The following ARHGAP25 variants were observed in gnomAD, a reference collection of about 807,000 sequenced individuals.
ARHGAP25 encodes the protein rho GTPase-activating protein 25.
Under a neutral mutation model 71.0 loss-of-function variants are expected in ARHGAP25, and 34 were observed. That is an observed-to-expected ratio of 0.48 (90% CI 0.36 to 0.64). ARHGAP25 has a LOEUF of 0.64. Among genes scored for constraint, ARHGAP25 ranks in the 30% least tolerant of loss-of-function variants. The probability of loss-of-function intolerance (pLI) is 0.00; values close to 1 mark genes in which losing one functional copy is unlikely to be tolerated. For missense variants in ARHGAP25, 706 were observed against 805.1 expected, an observed-to-expected ratio of 0.88 and a Z score of 1.49; for synonymous variants, 282 against 296.5, an observed-to-expected ratio of 0.95 and a Z score of 0.50.
At chr2:68,818,561 C>G (rs1252269066) in intron 8 of ARHGAP25, among the ~76,000 whole-genome samples, 7 of 152,230 alleles carry the variant, frequency 4.6e-5, no homozygotes, top group African/African-American at 1.7e-4. Flanking sequence ...CTCCTGACCT[C>G]AAGTGATCTT....
chr2:68,772,085 C>T (rs763807518), intron 1 of ARHGAP25, among the ~76,000 whole-genome samples: 2 of 152,226 alleles, frequency 1.3e-5, no homozygotes, highest in African/African-American at 2.4e-5. Context: ...TTTGCCACAA[C>T]AAAGCATGAA....
chr2:68,725,428 AT>A (rs1674860125), intron 2 of ARHGAP25, among the ~76,000 whole-genome samples: 1 of 152,100 alleles, frequency 6.6e-6, no homozygotes, highest in Non-Finnish European at 1.5e-5. Flanking sequence ...GGGCTCACAC[AT>A]TCCCCCCATC....
At chr2:68,816,178 C>G (rs758906349) in intron 6 of ARHGAP25, 111 bp from the exon 7 acceptor site, 2 of 883,130 alleles carry the variant, frequency 2.3e-6, no homozygotes, top group Admixed American at 1.8e-5. Context: ...GAATGACTGC[C>G]AAAGTGTTGT....
chr2:68,819,498 G>A (rs1280744946), intron 9 of ARHGAP25, 179 bp downstream of exon 9: 1 of 732,488 alleles, frequency 1.4e-6, no homozygotes, highest in East Asian at 2.7e-5. Flanking sequence ...TCCAAATCTA[G>A]TTTCTATTGG....
At chr2:68,732,295 G>A (rs1675042056), upstream of ARHGAP25, among the ~76,000 whole-genome samples, 1 of 152,142 alleles carries the variant, frequency 6.6e-6, no homozygotes, top group Admixed American at 6.5e-5. Flanking sequence ...AGACTGACAG[G>A]AACCTACCCT....
rs951404557 is a variant in ARHGAP25 at position 68,746,956 on chromosome 2, C to T, written c.61+11696C>T. On this transcript the variant is annotated intron_variant, in intron 1 of 10. Transcript: ENST00000409202. ...CCGGGAGGCAGAGGTTGTGGTGAGC[C>T]GAGATTGGGCCACTGTACTCCAGCC... 1.6e-4 allele frequency among the ~76,000 whole-genome samples: 24 copies of T among 148,084 alleles called. No individual in the cohort carries two copies. The Admixed American group carries it at 1.6e-3, about 10-fold the overall frequency.
At position 68,787,925 on chromosome 2, in the gene ARHGAP25, C is replaced by T. The variant is rs765794892; in HGVS notation, c.435C>T (p.Phe145=). ...CGGAGATGGAGGAGTGGGTTAAATT[C>T]CTCAGGAGAGTTGCTGGCACACCCT... The part of the protein sequence containing the change: ...SQAEMEEWVK[F]LRRVAGTPCG... Residue 145 remains phenylalanine (F), a synonymous_variant, in exon 4 of 11, where the codon TTC becomes TTT. Coordinates refer to ENST00000409202, the MANE Select transcript of ARHGAP25 (RefSeq NM_001007231.3). 6.2e-7 allele frequency: 1 copy of T among 1,614,182 alleles called. No homozygotes were observed. The highest frequency in any genetic ancestry group is 1.1e-5 in the South Asian group (1 of 91,084).
At chr2:68,821,865 G>C (rs556819351) in intron 9 of ARHGAP25, among the ~76,000 whole-genome samples, 1 of 141,866 alleles carries the variant, frequency 7.0e-6, no homozygotes, top group East Asian at 2.1e-4. Context: ...ATTAAGGAGA[G>C]TAACCAATTG....
At chr2:68,777,756 CAAT>C (rs1158403384) in intron 2 of ARHGAP25, among the ~76,000 whole-genome samples, 5 of 152,090 alleles carry the variant, frequency 3.3e-5, no homozygotes, top group Non-Finnish European at 7.4e-5. Flanking sequence ...TTTAGGAATA[CAAT>C]AATAATTTCT....
intron 1 of ARHGAP25, chr2:68,757,730 G>A (rs1429668982): frequency 6.6e-6 from 1 of 151,974 alleles, no homozygotes; most frequent in African/African-American, 2.4e-5. Context: ...TCTCAGCAAA[G>A]GTAAATACAT....
intron 2 of ARHGAP25, among the ~76,000 whole-genome samples, chr2:68,727,655 G>A (rs1242879495): frequency 6.6e-6 from 1 of 152,178 alleles, no homozygotes; most frequent in East Asian, 1.9e-4. Context: ...ACTATGTCAA[G>A]TTCAGAAAAC....
At position 68,727,152 on chromosome 2, in the gene ARHGAP25, C is replaced by T. The variant is rs527972414; in HGVS notation, c.-18+16454C>T. Among the ~76,000 whole-genome samples, 603 of 152,244 alleles carry T rather than the reference C, an allele frequency of 4.0e-3. 4 individuals are homozygous for T. The highest frequency in any genetic ancestry group is 7.2e-3 in the Non-Finnish European group (492 of 68,026). On this transcript the variant is annotated intron_variant and NMD_transcript_variant, in intron 2 of 7. Transcript: ENST00000463483. The stretch of plus-strand genomic sequence containing the variant: ...CTATGCACTTAGTATTTGCTAAAAG[C>T]GTGGTTACTGGTTGAGTGCGTCTGC...
chr2:68,713,935 C>A (rs1674549464), intron 2 of ARHGAP25, among the ~76,000 whole-genome samples: 1 of 152,124 alleles, frequency 6.6e-6, no homozygotes, highest in South Asian at 2.1e-4. Context: ...GGGATATTGG[C>A]CTGAAATTTT....
chr2:68,783,594 G>A (rs908034361), intron 3 of ARHGAP25, among the ~76,000 whole-genome samples: 3 of 151,980 alleles, frequency 2.0e-5, no homozygotes, highest in Non-Finnish European at 4.4e-5. Flanking sequence ...CTCCTGAGTA[G>A]CTGGAACTAG....
At chr2:68,730,097 TGTTAAAGG>T (rs2104268291), upstream of ARHGAP25, among the ~76,000 whole-genome samples, 1 of 152,334 alleles carries the variant, frequency 6.6e-6, no homozygotes, top group East Asian at 1.9e-4. Flanking sequence ...GACTTTTTTT[TGTTAAAGG>T]AAGATAACGG....
At chr2:68,754,392 AT>A in intron 1 of ARHGAP25, among the ~76,000 whole-genome samples, 1 of 152,302 alleles carries the variant, frequency 6.6e-6, no homozygotes, top group East Asian at 1.9e-4. Flanking sequence ...AGCACAATGC[AT>A]TTGAGATTCA....
At chr2:68,759,898 A>G (rs1311501037) in intron 1 of ARHGAP25, among the ~76,000 whole-genome samples, 2 of 152,032 alleles carry the variant, frequency 1.3e-5, no homozygotes, top group Non-Finnish European at 2.9e-5. Flanking sequence ...AAAACTGCAG[A>G]CCAATATCCC....
At chr2:68,748,396 A>T (rs1675962462) in intron 1 of ARHGAP25, among the ~76,000 whole-genome samples, 1 of 151,870 alleles carries the variant, frequency 6.6e-6, no homozygotes, top group African/African-American at 2.4e-5. Context: ...ATTATCTTAC[A>T]TTTTTTCTTT....
intron 1 of ARHGAP25, among the ~76,000 whole-genome samples, chr2:68,735,958 G>A (rs939813622): frequency 2.0e-5 from 3 of 152,016 alleles, no homozygotes; most frequent in Admixed American, 1.3e-4. Context: ...CTATATATTC[G>A]TTATGAAGTT....
Sources: allele counts gnomAD v4.1 joint callset (sites outside exome capture counted in the v4.1 genomes callset), GRCh38; gene constraint gnomAD v4.1.1; transcripts MANE v1.5; gene names NCBI Gene and HGNC (gene_info 2026-07-23, HGNC 2026-07-21).